ARMC2: variants seen among roughly 807,000 people sequenced by gnomAD.
The protein encoded by ARMC2 is armadillo repeat-containing protein 2.
A neutral mutation model predicts 90.3 loss-of-function variants in ARMC2; 67 were observed. That is an observed-to-expected ratio of 0.74 (90% confidence interval 0.61 to 0.91). ARMC2 has a LOEUF of 0.91. ARMC2 is among the 40% of genes least tolerant of loss of function. The probability of loss-of-function intolerance (pLI) is 0.00; values close to 1 mark genes in which losing one functional copy is unlikely to be tolerated. For missense variants in ARMC2, 920 were observed against 1,030.9 expected (o/e 0.89, Z 1.47); for synonymous variants, 393 against 393.0 (o/e 1.00, Z 0.00).
At chr6:108,966,909 G>C (rs142041843) in intron 17 of ARMC2, among the ~76,000 whole-genome samples, 2 of 152,200 alleles carry the variant, frequency 1.3e-5, no homozygotes, top group African/African-American at 4.8e-5. Flanking sequence ...CCCTGCTCTC[G>C]TTAGCAAAGG....
the ARMC2 span, among the ~76,000 whole-genome samples, chr6:109,014,675 T>A: frequency 6.6e-6 from 1 of 152,152 alleles, no homozygotes; most frequent in Admixed American, 6.5e-5. Flanking sequence ...GAATGGGTGA[T>A]CTTGGGCTTT....
At chr6:109,012,605 A>G in the ARMC2 span, among the ~76,000 whole-genome samples, 2 of 152,204 alleles carry the variant, frequency 1.3e-5, no homozygotes, top group African/African-American at 4.8e-5. Context: ...AAGGAAAAAG[A>G]CACCTGAGCT....
chr6:108,870,663 A>G (rs745726360), intron 4 of ARMC2, among the ~76,000 whole-genome samples: 8 of 152,144 alleles, frequency 5.3e-5, no homozygotes, highest in Non-Finnish European at 8.8e-5. Flanking sequence ...AGAAAAGACA[A>G]GACAATGAGG....
intron 7 of ARMC2, among the ~76,000 whole-genome samples, chr6:108,901,214 A>G (rs562565201): frequency 7.2e-6 from 1 of 138,418 alleles, no homozygotes; most frequent in East Asian, 2.2e-4. Flanking sequence ...CCCAGGTTCA[A>G]GCTATTCTCC....
chr6:108,973,154 C>T (rs978401459), intron 17 of ARMC2, among the ~76,000 whole-genome samples: 1 of 151,948 alleles, frequency 6.6e-6, no homozygotes, highest in Non-Finnish European at 1.5e-5. Flanking sequence ...CATGGAGACC[C>T]TGCCTCTCCA....
At chr6:109,024,666 A>G in the ARMC2 span, among the ~76,000 whole-genome samples, 1 of 152,248 alleles carries the variant, frequency 6.6e-6, no homozygotes, top group Non-Finnish European at 1.5e-5. Flanking sequence ...CTAGACTACC[A>G]TAAATGTGCT....
chr6:109,008,946 A>C, the ARMC2 span: 1 of 992,868 alleles, frequency 1.0e-6, no homozygotes, highest in Non-Finnish European at 1.2e-6. Context: ...ATCTGTTTTC[A>C]CAAGACAAGA....
chr6:109,037,204 T>C, the ARMC2 span, among the ~76,000 whole-genome samples: 1 of 152,214 alleles, frequency 6.6e-6, no homozygotes, highest in Non-Finnish European at 1.5e-5. Flanking sequence ...TGCAACAATA[T>C]TGCACTACTA....
intron 4 of ARMC2, among the ~76,000 whole-genome samples, chr6:108,875,641 C>A (rs1345435535): frequency 6.6e-6 from 1 of 152,172 alleles, no homozygotes; most frequent in Non-Finnish European, 1.5e-5. Context: ...TATCTTATAA[C>A]ATGTCGTATA....
chr6:109,018,172 A>T, the ARMC2 span, among the ~76,000 whole-genome samples: 1 of 152,150 alleles, frequency 6.6e-6, no homozygotes, highest in Non-Finnish European at 1.5e-5. Flanking sequence ...CCTTACACAT[A>T]CTTTAGAGAT....
chr6:109,038,739 A>G, the ARMC2 span, among the ~76,000 whole-genome samples: 1 of 152,216 alleles, frequency 6.6e-6, no homozygotes, highest in Admixed American at 6.5e-5. Flanking sequence ...AAGCAAGAAT[A>G]GTTAAATTTG....
chr6:108,935,858 G>A (rs72933394), intron 11 of ARMC2, among the ~76,000 whole-genome samples: 18,973 of 151,234 alleles, frequency 0.13, 1,592 homozygotes, highest in Non-Finnish European at 0.19. Flanking sequence ...CCAAAAAAAA[G>A]GTTTTTTTAA....
chr6:108,901,853 A>G (rs929448716), intron 7 of ARMC2, among the ~76,000 whole-genome samples: 15 of 152,352 alleles, frequency 9.8e-5, no homozygotes, highest in Middle Eastern at 3.4e-3. Context: ...CTGGATCACA[A>G]GTTCTCATCA....
chr6:108,915,161 GGCCATGCTAGTCTCAA>G (rs1562384517), intron 10 of ARMC2, among the ~76,000 whole-genome samples: 2 of 151,902 alleles, frequency 1.3e-5, no homozygotes, highest in Non-Finnish European at 2.9e-5. Flanking sequence ...TCACCATGTT[GGCCATGCTAGTCTCAA>G]ACTCATGACC....
At chr6:108,909,122 A>T (rs1186284231) in intron 8 of ARMC2, among the ~76,000 whole-genome samples, 2 of 152,222 alleles carry the variant, frequency 1.3e-5, no homozygotes, top group Non-Finnish European at 2.9e-5. Flanking sequence ...TAATAAACTA[A>T]TCACCTATAT....
chr6:108,991,990 A>G, the ARMC2 span, among the ~76,000 whole-genome samples: 1 of 152,126 alleles, frequency 6.6e-6, no homozygotes, highest in African/African-American at 2.4e-5. Context: ...AATTCTTCAA[A>G]TCCTAATGTC....
intron 17 of ARMC2, among the ~76,000 whole-genome samples, chr6:108,967,847 T>A (rs1039131072): frequency 6.6e-6 from 1 of 152,150 alleles, no homozygotes; most frequent in Admixed American, 6.5e-5. Flanking sequence ...TGATTGTGCT[T>A]CTCCCGCCTC....
chr6:109,009,686 G>GT, the ARMC2 span: 1 of 432,156 alleles, frequency 2.3e-6, no homozygotes, highest in Non-Finnish European at 3.2e-6. Flanking sequence ...CGGCGCGGAG[G>GT]CTGGGAACTG....
At chr6:108,968,702 C>A (rs577854886) in intron 17 of ARMC2, among the ~76,000 whole-genome samples, 3,926 of 152,160 alleles carry the variant, frequency 0.026, 169 homozygotes, top group African/African-American at 0.09. Context: ...AACAAACAAA[C>A]AAAAACAGGC....
Sources: allele counts gnomAD v4.1 joint callset (sites outside exome capture counted in the v4.1 genomes callset), GRCh38; gene constraint gnomAD v4.1.1; transcripts MANE v1.5; gene names NCBI Gene and HGNC (gene_info 2026-07-23, HGNC 2026-07-21).